The following IQANK1 variants were observed in gnomAD, a reference collection of about 807,000 sequenced individuals.
IQANK1 encodes IQ motif and ankyrin repeat containing 1.
Under a neutral mutation model 22.6 loss-of-function variants are expected in IQANK1, and 30 were observed. That is an observed-to-expected ratio of 1.33 (90% CI 0.99 to 1.80). IQANK1 has a LOEUF of 1.80. Among genes scored for constraint, IQANK1 ranks in the 40% most tolerant of loss-of-function variants. IQANK1 has a pLI of 0.00. For missense variants in IQANK1, 275 were observed against 235.2 expected, an observed-to-expected ratio of 1.17 and a Z score of -1.11; for synonymous variants, 122 against 99.6, an observed-to-expected ratio of 1.23 and a Z score of -1.34.
Position 143,771,592 on chromosome 8 carries a change from G to T in IQANK1, c.280G>T (p.Glu94Ter), listed in dbSNP as rs1323001316. ...CCGGGAGGAGCGCCGGGAGTACCTGGAGCAGATGGAGACGCCGCAGAAGGA... is the reference window on the plus strand; with the variant it reads ...CCGGGAGGAGCGCCGGGAGTACCTGTAGCAGATGGAGACGCCGCAGAAGGA... The part of the protein sequence containing the change: ...RRREERREYL[E>*]QMETPQKEAY... The change falls in exon 4 of 14, where the codon GAG becomes TAG. Residue 94 changes from glutamate (E) to a stop codon, truncating the protein, a stop_gained. Transcript: ENST00000527139. LOFTEE classifies it high-confidence loss of function. This position sits in a 1 kb window ranked among gnomAD's most constrained non-coding sequence, Gnocchi z 6.0. 1.3e-5 allele frequency: 5 copies of T among 398,486 alleles called. No homozygotes were observed. Among genetic ancestry groups the T allele is most frequent in the Non-Finnish European group, 2.2e-5 (5 of 226,112 alleles). 24.7% of individuals were successfully genotyped at this position (398,486 alleles called of 1,614,324 possible). A position where few individuals can be genotyped will look rare whatever the true frequency, so the allele number is the denominator to read the frequency against.
chr8:143,757,533 T>G (rs902296234), intron 3 of IQANK1, among the ~76,000 whole-genome samples: 1 of 152,146 alleles, frequency 6.6e-6, no homozygotes, highest in Admixed American at 6.5e-5. Flanking sequence ...AGAAGGGGTT[T>G]TCACCATGTT....
Position 143,771,056 on chromosome 8 carries a change from C to T in IQANK1, c.176-432C>T, listed in dbSNP as rs1278726965. ...TGGGCTCCGCGCCCTCTTCTGAGTC[C>T]AGCGGGGCTGTGATGAGCCCTCCCA... is the stretch of plus-strand genomic sequence containing the variant. On this transcript the variant is annotated intron_variant, in intron 3 of 13. Coordinates refer to ENST00000527139, the MANE Select transcript of IQANK1 (RefSeq NM_001381874.1). The surrounding 1 kb of genome is among the most constrained non-coding windows in gnomAD (Gnocchi z 6.0). Among the ~76,000 whole-genome samples, 1 of 152,242 alleles carries T rather than the reference C, an allele frequency of 6.6e-6. No individual in the cohort carries two copies. Among genetic ancestry groups the T allele is most frequent in the African/African-American group, 2.4e-5 (1 of 41,476 alleles).
chr8:143,756,383 A>G (rs1819293260), intron 3 of IQANK1, among the ~76,000 whole-genome samples: 1 of 152,180 alleles, frequency 6.6e-6, no homozygotes, highest in Non-Finnish European at 1.5e-5. Flanking sequence ...TCAGGTGACC[A>G]TGAGGAGCTT....
intron 3 of IQANK1, among the ~76,000 whole-genome samples, chr8:143,751,373 AG>A (rs1421109794): frequency 6.6e-6 from 1 of 151,984 alleles, no homozygotes; most frequent in Non-Finnish European, 1.5e-5. Flanking sequence ...GCACTTTGGG[AG>A]GCCAAGATCG....
intron 3 of IQANK1, among the ~76,000 whole-genome samples, chr8:143,751,664 G>GTGTGTGTA (rs370428606): frequency 7.5e-4 from 46 of 61,548 alleles, no homozygotes; most frequent in Non-Finnish European, 1.3e-3. Flanking sequence ...GTGTGTGTGT[G>GTGTGTGTA]TATATATATA....
At chr8:143,772,011 G>A (rs1819584914) in intron 5 of IQANK1, 41 bp from the exon 6 acceptor site, 3 of 393,080 alleles carry the variant, frequency 7.6e-6, no homozygotes, top group Admixed American at 4.5e-5. Context: ...TGGGGTGGGA[G>A]TGGGAGGAGC....
At chr8:143,750,967 T>TG (rs1554627960) in intron 3 of IQANK1, among the ~76,000 whole-genome samples, 4,759 of 145,660 alleles carry the variant, frequency 0.033, 85 homozygotes, top group South Asian at 0.041. Flanking sequence ...TGTGTGTGTG[T>TG]TTTTTTGTAG....
rs1273410098 is a variant in IQANK1 at position 143,772,087 on chromosome 8, C to CGACGAGGCA, written c.509_517dup (p.Asp170_Ala172dup). The CGACGAGGCA allele has an allele frequency of 2.5e-5, 10 of 396,278 alleles. No homozygotes were observed. The highest frequency in any genetic ancestry group is 1.8e-4 in the Admixed American group (4 of 22,578). The allele number at this position is 396,278 out of a possible 1,614,324, so 24.5% of individuals were successfully genotyped here. On this transcript the variant is annotated inframe_insertion, in exon 6 of 14. Transcript: ENST00000527139. The stretch of plus-strand genomic sequence containing the variant: ...TGCTGACGCGCGAGGGCGTGGGCCA[C>CGACGAGGCA]GACGAGGCAGGCGAGGCGCGGCGGC...
chr8:143,742,270 C>T (rs1818937675), intron 3 of IQANK1: 2 of 420,114 alleles, frequency 4.8e-6, no homozygotes, highest in Non-Finnish European at 9.7e-6. Flanking sequence ...AGTGACTCTT[C>T]CCACCCACAG....
rs1554625573 is a variant in IQANK1, at chr8:143,735,814, C to T, written c.-4-36C>T. 1.4e-6 allele frequency: 1 copy of T among 701,942 alleles called. No homozygotes were observed. Among genetic ancestry groups the T allele is most frequent in the Non-Finnish European group, 2.6e-6 (1 of 384,480 alleles). The allele number at this position is 701,942 out of a possible 1,614,324, so 43.5% of individuals were successfully genotyped here. Reference sequence around the variant, plus strand: ...TGCCCCTGCCCTCTGCCACTCTGAGCACCCTCTCCCTGGTCCTTCCCTACC... The same window carrying T: ...TGCCCCTGCCCTCTGCCACTCTGAGTACCCTCTCCCTGGTCCTTCCCTACC... On this transcript the variant is annotated intron_variant, in intron 1 of 13. Coordinates refer to ENST00000527139, the MANE Select transcript of IQANK1 (RefSeq NM_001381874.1). The surrounding 1 kb of genome is among the most constrained non-coding windows in gnomAD (Gnocchi z 5.2).
chr8:143,764,148 G>A (rs544127416), intron 3 of IQANK1, among the ~76,000 whole-genome samples: 2 of 152,222 alleles, frequency 1.3e-5, no homozygotes, highest in East Asian at 3.9e-4. Flanking sequence ...CCCGCCGGAA[G>A]GACTCGGCGG....
At chr8:143,749,759 C>T (rs1819152422) in intron 3 of IQANK1, among the ~76,000 whole-genome samples, 1 of 149,696 alleles carries the variant, frequency 6.7e-6, no homozygotes, top group African/African-American at 2.4e-5. Flanking sequence ...GATGGTGTTT[C>T]GCCCTGTTGG....
At chr8:143,752,126 C>A (rs1819207774) in intron 3 of IQANK1, among the ~76,000 whole-genome samples, 1 of 151,980 alleles carries the variant, frequency 6.6e-6, no homozygotes, top group Non-Finnish European at 1.5e-5. Flanking sequence ...CCACCAGGCC[C>A]AGCTAATTTT....
chr8:143,742,156 TC>T (rs1818933882), intron 3 of IQANK1: 1 of 352,484 alleles, frequency 2.8e-6, no homozygotes, highest in African/African-American at 2.1e-5. Context: ...CCCAAGCCTT[TC>T]CCAGCTGTCC....
chr8:143,785,148 C>G (rs1236944501), intron 7 of IQANK1, among the ~76,000 whole-genome samples: 1 of 152,076 alleles, frequency 6.6e-6, no homozygotes, highest in Non-Finnish European at 1.5e-5. Context: ...AAATCTGTAG[C>G]TAACTCTAAT....
intron 3 of IQANK1, among the ~76,000 whole-genome samples, chr8:143,767,834 A>G: frequency 6.9e-6 from 1 of 144,884 alleles, no homozygotes; most frequent in African/African-American, 2.5e-5. Flanking sequence ...GCAGTGAGCC[A>G]AGATGGAGCC....
At chr8:143,763,172 C>T (rs575213442) in intron 3 of IQANK1, among the ~76,000 whole-genome samples, 5 of 151,998 alleles carry the variant, frequency 3.3e-5, no homozygotes, top group South Asian at 2.1e-4. Flanking sequence ...CCCGCCACCA[C>T]GCCTGGCTAA....
chr8:143,742,514 A>C (rs782001748), intron 3 of IQANK1: 18 of 455,890 alleles, frequency 3.9e-5, no homozygotes, highest in Non-Finnish European at 7.5e-5. Context: ...GCTGGGCCCC[A>C]CAAACACCAC....
intron 2 of IQANK1, among the ~76,000 whole-genome samples, 178 bp from the exon 3 acceptor site, chr8:143,739,681 G>A (rs376089182): frequency 6.6e-6 from 1 of 152,256 alleles, no homozygotes; most frequent in South Asian, 2.1e-4. Flanking sequence ...AGTATGTGCT[G>A]CTGGAGGAGC....
Sources: allele counts gnomAD v4.1 joint callset (sites outside exome capture counted in the v4.1 genomes callset), GRCh38; gene constraint gnomAD v4.1.1; non-coding constraint Gnocchi (gnomAD v3.1); transcripts MANE v1.5; gene names NCBI Gene and HGNC (gene_info 2026-07-23, HGNC 2026-07-21).